The following ADK variants were observed in gnomAD, a reference collection of about 807,000 sequenced individuals.
ADK encodes adenosine kinase.
A neutral mutation model predicts 44.7 loss-of-function variants in ADK; 24 were observed. The observed-to-expected ratio is 0.54, with a 90% CI of 0.39 to 0.76. The LOEUF (loss-of-function observed/expected upper bound fraction) is 0.76. Among genes scored for constraint, ADK ranks in the 30% least tolerant of loss-of-function variants. ADK has a pLI of 0.00. For missense variants in ADK, 321 were observed against 425.1 expected, an observed-to-expected ratio of 0.76 and a Z score of 2.15; for synonymous variants, 128 against 142.6, an observed-to-expected ratio of 0.90 and a Z score of 0.73.
At chr10:74,447,355 G>T (rs752914055) in intron 6 of ADK, among the ~76,000 whole-genome samples, 18 of 152,068 alleles carry the variant, frequency 1.2e-4, no homozygotes, top group Non-Finnish European at 2.2e-4. Flanking sequence ...GTTTAGTAAG[G>T]TTTATTAGGC....
At chr10:74,563,906 A>G (rs1850550780) in intron 7 of ADK, among the ~76,000 whole-genome samples, 1 of 151,740 alleles carries the variant, frequency 6.6e-6, no homozygotes, top group African/African-American at 2.4e-5. Flanking sequence ...ATTTTTTATT[A>G]TTATACTTTA....
In ADK at chr10:74,354,112, T is replaced by G. The variant is rs1397313130; in HGVS notation, c.273+39367T>G. On this transcript the variant is annotated intron_variant, in intron 4 of 10. Coordinates refer to ENST00000539909, the MANE Select transcript of ADK (RefSeq NM_006721.4). The stretch of plus-strand genomic sequence containing the variant: ...AACACAAGCAACTAAATCACTGACT[T>G]TGATTAGTCTCTCTACTGATTACTA... 3.9e-5 allele frequency among the ~76,000 whole-genome samples: 6 copies of G among 152,358 alleles called. No homozygotes were observed. In the South Asian group the frequency reaches 1.0e-3, roughly 26 times the overall value.
chr10:74,699,659 A>C (rs1283491901), intron 10 of ADK, among the ~76,000 whole-genome samples: 1 of 151,566 alleles, frequency 6.6e-6, no homozygotes, highest in African/African-American at 2.5e-5. Flanking sequence ...TGGATGACAG[A>C]GGAGACTCTC....
intron 10 of ADK, among the ~76,000 whole-genome samples, chr10:74,700,645 GAAAGA>G (rs1329927235): frequency 6.6e-6 from 1 of 151,036 alleles, no homozygotes; most frequent in Non-Finnish European, 1.5e-5. Context: ...AAAAGAAAAA[GAAAGA>G]AAAGGAAGAA....
chr10:74,176,676 G>C, intron 1 of ADK: 1 of 1,441,346 alleles, frequency 6.9e-7, no homozygotes, highest in South Asian at 1.4e-5. Flanking sequence ...TTCGCACGGG[G>C]CGGAGCGCCC....
At chr10:74,374,632 C>T (rs1025526629) in intron 4 of ADK, among the ~76,000 whole-genome samples, 1 of 152,040 alleles carries the variant, frequency 6.6e-6, no homozygotes, top group Non-Finnish European at 1.5e-5. Context: ...TCAGGTAACT[C>T]TCTGATCCCA....
chr10:74,373,788 A>G (rs1318838439), intron 4 of ADK, among the ~76,000 whole-genome samples: 1 of 152,200 alleles, frequency 6.6e-6, no homozygotes, highest in African/African-American at 2.4e-5. Flanking sequence ...ATATCCAGCA[A>G]TTCTGCTCCT....
At chr10:74,444,504 C>T (rs936828428) in intron 6 of ADK, among the ~76,000 whole-genome samples, 3 of 152,120 alleles carry the variant, frequency 2.0e-5, no homozygotes, top group African/African-American at 4.8e-5. Context: ...GTTAAATGTT[C>T]CTACTTCTCT....
chr10:74,293,511 C>T (rs1420093052), intron 3 of ADK, among the ~76,000 whole-genome samples: 3 of 152,042 alleles, frequency 2.0e-5, no homozygotes, highest in Admixed American at 2.0e-4. Flanking sequence ...TTGAACTACA[C>T]CTTCTCCAAT....
At chr10:74,682,014 G>T (rs116637829) in intron 10 of ADK, among the ~76,000 whole-genome samples, 21 of 152,104 alleles carry the variant, frequency 1.4e-4, no homozygotes, top group African/African-American at 4.8e-4. Context: ...AGAAGCATAC[G>T]CTAAACTTTT....
rs1392533718 is a variant in ADK, at chr10:74,708,417, C to T, written c.1061C>T (p.Thr354Ile). ...ATCATAATTAGACGGACTGGCTGCA[C>T]CTTTCCTGAGAAGCCAGACTTCCAC... ...ASIIIRRTGCTFPEKPDFH is the reference protein window; with the variant it reads ...ASIIIRRTGCIFPEKPDFH Residue 354 changes from threonine to isoleucine, a missense_variant, in exon 11 of 11, where the codon ACC becomes ATC. Coordinates refer to ENST00000539909, the MANE Select transcript of ADK (RefSeq NM_006721.4). 1 of 1,612,366 alleles carries T rather than the reference C, an allele frequency of 6.2e-7. No individual in the cohort carries two copies. The highest frequency in any genetic ancestry group is 1.7e-5 in the Admixed American group (1 of 59,962).
intron 9 of ADK, among the ~76,000 whole-genome samples, chr10:74,640,122 C>T (rs1194585072): frequency 3.9e-5 from 6 of 152,174 alleles, no homozygotes; most frequent in African/African-American, 1.2e-4. Context: ...TTGAACAAAG[C>T]CTCTTCACTC....
At chr10:74,605,875 GC>G (rs1465759544) in intron 9 of ADK, among the ~76,000 whole-genome samples, 4 of 151,984 alleles carry the variant, frequency 2.6e-5, no homozygotes, top group African/African-American at 9.7e-5. Context: ...CTGCTCCTGG[GC>G]TTTTTTTGGT....
chr10:74,292,562 T>TC (rs937251236), intron 3 of ADK, among the ~76,000 whole-genome samples: 1 of 152,162 alleles, frequency 6.6e-6, no homozygotes, highest in African/African-American at 2.4e-5. Context: ...AACACTGAAC[T>TC]CCTAATCTTT....
chr10:74,585,916 A>G (rs1223490618), intron 7 of ADK, among the ~76,000 whole-genome samples: 2 of 152,212 alleles, frequency 1.3e-5, no homozygotes, highest in Non-Finnish European at 2.9e-5. Flanking sequence ...TAGTGCGATC[A>G]GTTCACTTGG....
intron 3 of ADK, among the ~76,000 whole-genome samples, chr10:74,293,475 T>C (rs1839699998): frequency 6.6e-6 from 1 of 152,178 alleles, no homozygotes; most frequent in Non-Finnish European, 1.5e-5. Flanking sequence ...CCACTAGTAC[T>C]AATGAACTAC....
At position 74,552,013 on chromosome 10, in the gene ADK, G is replaced by GTATTGTTTTGTAT. The variant is rs748572646; in HGVS notation, c.726+26591_726+26592insGTTTTGTATTATT. Among the ~76,000 whole-genome samples the GTATTGTTTTGTAT allele has an allele frequency of 9.9e-5, 15 of 151,728 alleles. No homozygotes were observed. The East Asian group carries it at 2.5e-3, about 25-fold the overall frequency. On this transcript the variant is annotated intron_variant, in intron 7 of 10. Coordinates refer to ENST00000539909, the MANE Select transcript of ADK (RefSeq NM_006721.4). ...AATAGTTGCTATACCATGGTTTTTTGTATTATTATTATTATTTTTTATTGT... is the reference window on the plus strand; with the variant it reads ...AATAGTTGCTATACCATGGTTTTTTGTATTGTTTTGTATTATTATTATTATTATTTTTTATTGT...
intron 10 of ADK, among the ~76,000 whole-genome samples, chr10:74,678,423 G>A (rs1242178088): frequency 2.0e-5 from 3 of 152,188 alleles, no homozygotes; most frequent in Non-Finnish European, 2.9e-5. Context: ...AAATCACTTT[G>A]TTCATGTGAA....
intron 1 of ADK, chr10:74,176,622 G>T (rs907080312): frequency 4.7e-5 from 65 of 1,393,556 alleles, no homozygotes; most frequent in Non-Finnish European, 5.9e-5. Flanking sequence ...GAGCTGGCAC[G>T]AGACACGCGG....
Sources: gnomAD v4.1 joint callset for allele counts (sites outside exome capture counted in the v4.1 genomes callset) on GRCh38, gnomAD v4.1.1 for gene constraint, MANE v1.5 for transcripts, NCBI Gene and HGNC (gene_info 2026-07-23, HGNC 2026-07-21) for gene names.